Variants in POU2F2 observed in about 807,000 individuals in gnomAD.
POU2F2 encodes the protein POU class 2 homeobox 2, also known as POU domain, class 2, transcription factor 2.
In POU2F2, 14 loss-of-function variants were observed where a neutral mutation model predicts 63.5. The observed-to-expected ratio is 0.22, with a 90% confidence interval of 0.15 to 0.34. The LOEUF is 0.34. Ranked by LOEUF, POU2F2 falls within the 10% of genes least tolerant of loss-of-function variation. The pLI is 1.00. For missense variants in POU2F2, 607 were observed against 815.2 expected (o/e 0.74, Z 3.11); for synonymous variants, 306 against 348.6 (o/e 0.88, Z 1.36).
intron 1 of POU2F2, among the ~76,000 whole-genome samples, chr19:42,174,104 A>G (rs938723497): frequency 6.6e-6 from 1 of 152,104 alleles, no homozygotes; most frequent in East Asian, 1.9e-4. Context: ...GCATGCCGTC[A>G]AACTCAGCCA....
chr19:42,154,430 C>T (rs1028324601), intron 2 of POU2F2, among the ~76,000 whole-genome samples: 3 of 151,932 alleles, frequency 2.0e-5, no homozygotes, highest in Admixed American at 6.6e-5. Flanking sequence ...ATGCAGAGAG[C>T]ACGACAGAGA....
Position 42,091,070 on chromosome 19 carries a change from C to A in POU2F2, c.*187G>T. ...TTCTGTTGTGATTATTTTTGGTTTTCTCTTTTGTTGGTTAGTTTCTTTCCT... is the reference window on the plus strand; with the variant it reads ...TTCTGTTGTGATTATTTTTGGTTTTATCTTTTGTTGGTTAGTTTCTTTCCT... On this transcript the variant is annotated 3_prime_UTR_variant, in exon 15 of 15. Transcript: ENST00000692977. 21 of 413,052 alleles carry A rather than the reference C, an allele frequency of 5.1e-5. No individual in the cohort carries two copies. The highest frequency in any genetic ancestry group is 1.2e-4 in the East Asian group (3 of 25,670). The allele number at this position is 413,052 out of a possible 1,614,324, so 25.6% of individuals were successfully genotyped here.
rs1160552676 is a variant in POU2F2, at chr19:42,090,294, T to G, written c.*963A>C. The G allele has an allele frequency of 6.6e-6, 1 of 152,620 alleles. No individual in the cohort carries two copies. The allele number at this position is 152,620 out of a possible 1,614,324, so 9.5% of individuals were successfully genotyped here. ...TCTTCATCCCCTCTTGCCTGAAATTTCCACCTTCCCATAGGCTGGGGAGGG... is the reference window on the plus strand; with the variant it reads ...TCTTCATCCCCTCTTGCCTGAAATTGCCACCTTCCCATAGGCTGGGGAGGG... On this transcript the variant is annotated 3_prime_UTR_variant, in exon 15 of 15. Transcript: ENST00000692977. The surrounding 1 kb of genome is among the most constrained non-coding windows in gnomAD (Gnocchi z 4.4).
chr19:42,180,219 T>C (rs1448463895), upstream of POU2F2, among the ~76,000 whole-genome samples: 1 of 152,160 alleles, frequency 6.6e-6, no homozygotes, highest in Non-Finnish European at 1.5e-5. Flanking sequence ...CCTACAAAGC[T>C]GGCACACCAA....
chr19:42,141,628 T>A (rs927982336), intron 2 of POU2F2, among the ~76,000 whole-genome samples: 9 of 151,580 alleles, frequency 5.9e-5, no homozygotes, highest in Non-Finnish European at 1.2e-4. Flanking sequence ...ATTACAGGCA[T>A]GCACCACCAC....
At chr19:42,184,339 CTCCTTCCTGCCG>C (rs916395414) in intron 1 of POU2F2, among the ~76,000 whole-genome samples, 20 of 152,186 alleles carry the variant, frequency 1.3e-4, no homozygotes, top group Non-Finnish European at 2.4e-4. Context: ...ACAGAAAGGT[CTCCTTCCTGCCG>C]CCCTTCCCAG....
intron 2 of POU2F2, among the ~76,000 whole-genome samples, chr19:42,151,697 T>G (rs1181933431): frequency 1.3e-5 from 2 of 152,132 alleles, no homozygotes; most frequent in Non-Finnish European, 2.9e-5. Context: ...GTCTCTCCCC[T>G]CACTTCTCTT....
chr19:42,180,076 G>T (rs562395764), upstream of POU2F2, among the ~76,000 whole-genome samples: 1 of 152,158 alleles, frequency 6.6e-6, no homozygotes, highest in Non-Finnish European at 1.5e-5. Context: ...ACACAAACTA[G>T]GCACATGGGC....
At chr19:42,161,683 G>A (rs187756794) in intron 1 of POU2F2, among the ~76,000 whole-genome samples, 2 of 152,016 alleles carry the variant, frequency 1.3e-5, no homozygotes, top group Admixed American at 6.5e-5. Context: ...AAGCAAAAGG[G>A]GGGTAAAAAG....
chr19:42,162,800 C>T lies in POU2F2; in HGVS notation c.-69-2408G>A, dbSNP rs1004757623. 3.3e-5 allele frequency among the ~76,000 whole-genome samples: 5 copies of T among 152,178 alleles called. No homozygotes were observed. Among genetic ancestry groups the T allele is most frequent in the African/African-American group, 1.2e-4 (5 of 41,446 alleles). On this transcript the variant is annotated intron_variant, in intron 1 of 6. Transcript: ENST00000524801. This position sits in a 1 kb window ranked among gnomAD's most constrained non-coding sequence, Gnocchi z 4.1. ...CCCCAAGCCAGGGCTTGGGACAGGC[C>T]TAAGAATGATGACGCCACTTGCCCC...
At chr19:42,097,131 C>T (rs567348590) in intron 7 of POU2F2, among the ~76,000 whole-genome samples, 5 of 150,910 alleles carry the variant, frequency 3.3e-5, no homozygotes, top group Non-Finnish European at 4.4e-5. Flanking sequence ...GGATGTTTGT[C>T]GCTCAGGTCC....
intron 1 of POU2F2, among the ~76,000 whole-genome samples, chr19:42,126,877 ACTT>A (rs2033247370): frequency 1.3e-5 from 2 of 151,966 alleles, no homozygotes; most frequent in South Asian, 4.2e-4. Context: ...GTTTCCTACT[ACTT>A]CTCACCCTTG....
At chr19:42,159,766 C>T (rs1447399767) in intron 2 of POU2F2, among the ~76,000 whole-genome samples, 1 of 152,184 alleles carries the variant, frequency 6.6e-6, no homozygotes, top group Admixed American at 6.5e-5. Context: ...TGCAGCCACA[C>T]GATTTCAAGG....
chr19:42,160,996 T>C (rs17342067), intron 1 of POU2F2, among the ~76,000 whole-genome samples: 15,679 of 152,264 alleles, frequency 0.1, 962 homozygotes, highest in Middle Eastern at 0.2. Flanking sequence ...TCTCTGGCTC[T>C]GAATCAAGTG....
intron 1 of POU2F2, among the ~76,000 whole-genome samples, chr19:42,163,424 G>C (rs1240515327): frequency 6.6e-6 from 1 of 152,190 alleles, no homozygotes; most frequent in African/African-American, 2.4e-5. Context: ...GGATGGAGCA[G>C]GCGGTGAGTG....
chr19:42,115,153 A>T (rs1240728484), intron 5 of POU2F2, among the ~76,000 whole-genome samples: 1 of 152,056 alleles, frequency 6.6e-6, no homozygotes, highest in Non-Finnish European at 1.5e-5. Context: ...TCATCTCAAA[A>T]AAAAAAGGCT....
intron 2 of POU2F2, among the ~76,000 whole-genome samples, chr19:42,138,438 G>T (rs1298192243): frequency 6.6e-6 from 1 of 152,252 alleles, no homozygotes; most frequent in African/African-American, 2.4e-5. Flanking sequence ...GGGTTGCCAA[G>T]GTTGAAGACC....
In POU2F2 at chr19:42,091,095, T is replaced by C. The variant is rs2076695418; in HGVS notation, c.*162A>G. 4 of 150,254 alleles carry C rather than the reference T, an allele frequency of 2.7e-5. No individual in the cohort carries two copies. The highest frequency in any genetic ancestry group is 1.8e-4 in the East Asian group (1 of 5,428). The allele number at this position is 150,254 out of a possible 1,614,324, so 9.3% of individuals were successfully genotyped here. On this transcript the variant is annotated 3_prime_UTR_variant, in exon 15 of 15. Transcript: ENST00000692977. ...CTCTTTTGTTGGTTAGTTTCTTTCC[T>C]TTTTTTTTTTTTTTTTGGTTGGTTG...
At chr19:42,120,448 T>C (rs1185404979) in intron 4 of POU2F2, among the ~76,000 whole-genome samples, 1 of 152,178 alleles carries the variant, frequency 6.6e-6, no homozygotes, top group African/African-American at 2.4e-5. Context: ...CTCAAGCTCC[T>C]GACCTCAGGT....
Sources: allele counts gnomAD v4.1 joint callset (sites outside exome capture counted in the v4.1 genomes callset), GRCh38; gene constraint gnomAD v4.1.1; non-coding constraint Gnocchi (gnomAD v3.1); transcripts MANE v1.5; gene names NCBI Gene and HGNC (gene_info 2026-07-23, HGNC 2026-07-21).